STAC: variants seen among roughly 807,000 people sequenced by gnomAD.
The protein encoded by STAC is SH3 and cysteine rich domain, also known as SH3 and cysteine-rich domain-containing protein.
A neutral mutation model predicts 48.8 loss-of-function variants in STAC; 43 were observed. That is an observed-to-expected ratio of 0.88 (90% CI 0.69 to 1.14). The LOEUF (loss-of-function observed/expected upper bound fraction) is 1.14. STAC is among the 50% of genes most tolerant of loss of function. The probability of loss-of-function intolerance (pLI) is 0.00; values close to 1 mark genes in which losing one functional copy is unlikely to be tolerated. For missense variants in STAC, 497 were observed against 504.0 expected (o/e 0.99, Z 0.13); for synonymous variants, 193 against 179.5 (o/e 1.07, Z -0.60).
intron 1 of STAC, among the ~76,000 whole-genome samples, chr3:36,436,111 G>T (rs1469956406): frequency 6.6e-6 from 1 of 152,162 alleles, no homozygotes; most frequent in Non-Finnish European, 1.5e-5. Context: ...TGGAATCCCA[G>T]AATCATATAT....
At chr3:36,421,452 G>A (rs933048677) in intron 1 of STAC, among the ~76,000 whole-genome samples, 1 of 152,004 alleles carries the variant, frequency 6.6e-6, no homozygotes, top group Admixed American at 6.5e-5. Context: ...CATACTATGA[G>A]AATTCAATAA....
chr3:36,518,614 C>T (rs188253836), intron 8 of STAC, among the ~76,000 whole-genome samples: 4 of 152,244 alleles, frequency 2.6e-5, no homozygotes, highest in East Asian at 3.9e-4. Context: ...CATGAACGGC[C>T]GCTCCTGGAA....
At chr3:36,470,944 A>T (rs368914668) in intron 2 of STAC, among the ~76,000 whole-genome samples, 5 of 152,250 alleles carry the variant, frequency 3.3e-5, no homozygotes, top group East Asian at 3.8e-4. Context: ...TAAAGCAAGG[A>T]TCAACTTAAT....
chr3:36,504,932 G>A (rs1698365942), intron 7 of STAC, among the ~76,000 whole-genome samples: 1 of 151,844 alleles, frequency 6.6e-6, no homozygotes, highest in Non-Finnish European at 1.5e-5. Flanking sequence ...GATATATGAT[G>A]CAACTATATA....
chr3:36,481,335 T>A (rs2125698459), intron 2 of STAC, among the ~76,000 whole-genome samples: 1 of 152,326 alleles, frequency 6.6e-6, no homozygotes, highest in Admixed American at 6.5e-5. Flanking sequence ...TGCTGAAAGA[T>A]GTTTAAGCAA....
At chr3:36,414,448 T>C (rs1700269933) in intron 1 of STAC, among the ~76,000 whole-genome samples, 2 of 152,216 alleles carry the variant, frequency 1.3e-5, no homozygotes, top group South Asian at 4.1e-4. Flanking sequence ...CTGATACCCT[T>C]TCTTCCAGTT....
At chr3:36,393,873 C>G (rs1699801399) in intron 1 of STAC, among the ~76,000 whole-genome samples, 1 of 151,838 alleles carries the variant, frequency 6.6e-6, no homozygotes, top group Non-Finnish European at 1.5e-5. Context: ...CTCTCTAAGA[C>G]AGTGACCAGA....
At chr3:36,498,741 C>G (rs1044906923) in intron 6 of STAC, among the ~76,000 whole-genome samples, 8 of 151,710 alleles carry the variant, frequency 5.3e-5, no homozygotes, top group African/African-American at 1.9e-4. Context: ...AGAGACAGCA[C>G]CAGACCCTGT....
intron 10 of STAC, among the ~76,000 whole-genome samples, chr3:36,533,055 G>A (rs1699109744): frequency 6.6e-6 from 1 of 152,182 alleles, no homozygotes; most frequent in Non-Finnish European, 1.5e-5. Context: ...ACACAGGTCT[G>A]CAAACCCCAA....
At chr3:36,461,130 C>A (rs1697005694) in intron 2 of STAC, among the ~76,000 whole-genome samples, 1 of 152,062 alleles carries the variant, frequency 6.6e-6, no homozygotes, top group Non-Finnish European at 1.5e-5. Context: ...TGAGAGTTTT[C>A]TAAATATTTT....
chr3:36,383,900 C>A (rs933961641), intron 1 of STAC, among the ~76,000 whole-genome samples: 2 of 152,212 alleles, frequency 1.3e-5, no homozygotes, highest in Non-Finnish European at 2.9e-5. Flanking sequence ...CCCTTACCTA[C>A]AAACCCCGTC....
intron 2 of STAC, among the ~76,000 whole-genome samples, chr3:36,472,298 G>A (rs967030982): frequency 3.9e-5 from 6 of 152,224 alleles, no homozygotes; most frequent in African/African-American, 7.2e-5. Flanking sequence ...CCCGGCCCAC[G>A]AAACCACTTC....
At chr3:36,434,068 C>G (rs1700769530) in intron 1 of STAC, among the ~76,000 whole-genome samples, 1 of 152,144 alleles carries the variant, frequency 6.6e-6, no homozygotes, top group Non-Finnish European at 1.5e-5. Context: ...CTAAAGACCC[C>G]CAATGCTCAC....
intron 2 of STAC, among the ~76,000 whole-genome samples, chr3:36,481,407 T>A (rs957206615): frequency 2.6e-5 from 4 of 152,090 alleles, no homozygotes; most frequent in Non-Finnish European, 5.9e-5. Flanking sequence ...ACACATTGAG[T>A]TGGAGGAGGA....
chr3:36,486,078 G>A, intron 4 of STAC, 56 bp from the exon 5 acceptor site: 1 of 1,376,798 alleles, frequency 7.3e-7, no homozygotes, highest in Non-Finnish European at 1.0e-6. Context: ...GTGGTAGGCA[G>A]TTGGCTGGGT....
intron 1 of STAC, among the ~76,000 whole-genome samples, chr3:36,414,014 C>T (rs1700257839): frequency 6.6e-6 from 1 of 152,230 alleles, no homozygotes; most frequent in Admixed American, 6.5e-5. Context: ...CCACTCTCTT[C>T]TGGCTTGTAG....
At chr3:36,483,158 AT>A in intron 3 of STAC, 66 bp downstream of exon 3, 1 of 1,241,596 alleles carries the variant, frequency 8.1e-7, no homozygotes, top group South Asian at 1.3e-5. Flanking sequence ...CTGCAGTGAG[AT>A]CACCCCCTCC....
chr3:36,530,149 C>T (rs1699029577), intron 10 of STAC, among the ~76,000 whole-genome samples: 1 of 152,178 alleles, frequency 6.6e-6, no homozygotes, highest in African/African-American at 2.4e-5. Flanking sequence ...TTTATTTCCT[C>T]TCCTAATAAA....
intron 1 of STAC, among the ~76,000 whole-genome samples, chr3:36,399,468 C>T (rs1343248611): frequency 2.6e-5 from 4 of 152,182 alleles, no homozygotes; most frequent in Non-Finnish European, 4.4e-5. Context: ...ACCCCTAGCA[C>T]GACACTGAGT....
Sources: gnomAD v4.1 joint callset for allele counts (sites outside exome capture counted in the v4.1 genomes callset) on GRCh38, gnomAD v4.1.1 for gene constraint, MANE v1.5 for transcripts, NCBI Gene and HGNC (gene_info 2026-07-23, HGNC 2026-07-21) for gene names.